ZMYND11: variants seen among roughly 807,000 people sequenced by gnomAD.
ZMYND11 encodes the protein zinc finger MYND domain-containing protein 11.
Under a neutral mutation model 84.9 loss-of-function variants are expected in ZMYND11, and 9 were observed. The observed-to-expected ratio is 0.11, with a 90% confidence interval of 0.06 to 0.18. The LOEUF is 0.18. ZMYND11 is among the 10% of genes least tolerant of loss of function. ZMYND11 has a pLI of 1.00. For synonymous variants in ZMYND11, 250 were observed against 244.1 expected (o/e 1.02, Z -0.23); for missense variants, 409 against 761.0 (o/e 0.54, Z 5.44).
intron 4 of ZMYND11, among the ~76,000 whole-genome samples, chr10:234,982 A>ATGTGTGTGTGTGTGTGTG (rs60483060): frequency 1.2e-3 from 178 of 148,990 alleles, no homozygotes; most frequent in Middle Eastern, 3.4e-3. Flanking sequence ...TATTTCGCAA[A>ATGTGTGTGTGTGTGTGTG]TGTGTGTGTG....
At chr10:217,147 T>TATC (rs1428313849) in intron 3 of ZMYND11, among the ~76,000 whole-genome samples, 1 of 152,190 alleles carries the variant, frequency 6.6e-6, no homozygotes, top group Admixed American at 6.5e-5. Flanking sequence ...TTCTTCCACA[T>TATC]ATCTCCCTTT....
intron 1 of ZMYND11, among the ~76,000 whole-genome samples, chr10:163,818 C>T (rs1222062297): frequency 1.3e-5 from 2 of 152,090 alleles, no homozygotes; most frequent in African/African-American, 2.4e-5. Flanking sequence ...TTGTCTTGGA[C>T]TCAACACATA....
Position 210,062 on chromosome 10 carries a change from A to G in ZMYND11, c.276+14A>G. On this transcript the variant is annotated intron_variant, in intron 3 of 14. Coordinates refer to ENST00000381604, the MANE Select transcript of ZMYND11 (RefSeq NM_001370100.5). Reference sequence around the variant, plus strand: ...GGAGATGAGATTGTAAGTACATTTTATTTGATAAACATAGAGATGTGAACT... The same window carrying G: ...GGAGATGAGATTGTAAGTACATTTTGTTTGATAAACATAGAGATGTGAACT... 1 of 1,613,552 alleles carries G rather than the reference A, an allele frequency of 6.2e-7. No individual in the cohort carries two copies. The highest frequency in any genetic ancestry group is 8.5e-7 in the Non-Finnish European group (1 of 1,179,566).
chr10:216,186 G>A (rs924153527), intron 3 of ZMYND11, among the ~76,000 whole-genome samples: 17 of 152,108 alleles, frequency 1.1e-4, no homozygotes, highest in Non-Finnish European at 1.5e-4. Flanking sequence ...AACTACCACC[G>A]TAGGCAGCCA....
At chr10:242,521 A>C (rs1463328714) in intron 10 of ZMYND11, among the ~76,000 whole-genome samples, 4 of 152,234 alleles carry the variant, frequency 2.6e-5, no homozygotes, top group Non-Finnish European at 5.9e-5. Flanking sequence ...ATATAGACTA[A>C]AATCGTCAAT....
intron 3 of ZMYND11, among the ~76,000 whole-genome samples, chr10:220,336 A>G (rs920458775): frequency 6.6e-6 from 1 of 152,196 alleles, no homozygotes; most frequent in Non-Finnish European, 1.5e-5. Flanking sequence ...CACTCTTAGC[A>G]TAAATATATT....
At chr10:227,180 C>A (rs1589103912) in intron 4 of ZMYND11, among the ~76,000 whole-genome samples, 1 of 152,132 alleles carries the variant, frequency 6.6e-6, no homozygotes, top group South Asian at 2.1e-4. Flanking sequence ...AAAGCTCTCC[C>A]GAATTTGCAG....
chr10:207,831 A>G lies in ZMYND11; in HGVS notation c.117-2058A>G, dbSNP rs188771483. 3.2e-3 allele frequency among the ~76,000 whole-genome samples: 494 copies of G among 152,350 alleles called. 4 individuals carry two copies. The highest frequency in any genetic ancestry group is 0.011 in the African/African-American group (449 of 41,574). ...CATATGGAACCAAAAAAGAGCCCACATCGCCAAGTCAATCCTAAGCCAAAA... is the reference window on the plus strand; with the variant it reads ...CATATGGAACCAAAAAAGAGCCCACGTCGCCAAGTCAATCCTAAGCCAAAA... On this transcript the variant is annotated intron_variant, in intron 2 of 14. Coordinates refer to ENST00000381604, the MANE Select transcript of ZMYND11 (RefSeq NM_001370100.5).
intron 1 of ZMYND11, among the ~76,000 whole-genome samples, chr10:177,889 T>C (rs745527724): frequency 5.3e-5 from 8 of 152,178 alleles, no homozygotes; most frequent in Non-Finnish European, 1.0e-4. Flanking sequence ...TAATAATATA[T>C]TTCTGCTTAC....
At chr10:152,134 A>G (rs544680426) in intron 1 of ZMYND11, among the ~76,000 whole-genome samples, 39 of 152,368 alleles carry the variant, frequency 2.6e-4, no homozygotes, top group Non-Finnish European at 5.0e-4. Flanking sequence ...AAGACCATCA[A>G]TGCTAGGAAG....
In ZMYND11 at chr10:151,594, G is replaced by A. The variant is rs192384067; in HGVS notation, c.-20+16035G>A. On this transcript the variant is annotated intron_variant, in intron 1 of 14. Coordinates refer to ENST00000381604, the MANE Select transcript of ZMYND11 (RefSeq NM_001370100.5). Reference sequence around the variant, plus strand: ...AAGACCAAATCTACGTCTGATTGGCGTACCTGAAAGTCACGGGGAGAATGG... The same window carrying A: ...AAGACCAAATCTACGTCTGATTGGCATACCTGAAAGTCACGGGGAGAATGG... Among the ~76,000 whole-genome samples, 116 of 152,274 alleles carry A rather than the reference G, an allele frequency of 7.6e-4. 1 individual carries two copies. The highest frequency in any genetic ancestry group is 2.6e-3 in the African/African-American group (107 of 41,552).
intron 2 of ZMYND11, among the ~76,000 whole-genome samples, chr10:200,282 AAT>A (rs1942862130): frequency 7.5e-6 from 1 of 132,524 alleles, no homozygotes; most frequent in Non-Finnish European, 1.6e-5. Context: ...TATAATATAT[AAT>A]ATGTATAAAA....
chr10:147,038 A>G (rs953330620), intron 1 of ZMYND11, among the ~76,000 whole-genome samples: 1 of 152,212 alleles, frequency 6.6e-6, no homozygotes, highest in Non-Finnish European at 1.5e-5. Flanking sequence ...AGAATGGACT[A>G]ATACACTCAG....
At chr10:241,727 A>AGCT (rs148894439) in intron 9 of ZMYND11, among the ~76,000 whole-genome samples, 12,221 of 152,164 alleles carry the variant, frequency 0.08, 790 homozygotes, top group African/African-American at 0.18. Context: ...GGGGTGCTGG[A>AGCT]GCTGCTGGCT....
At chr10:152,154 T>G (rs1189110788) in intron 1 of ZMYND11, among the ~76,000 whole-genome samples, 1 of 152,076 alleles carries the variant, frequency 6.6e-6, no homozygotes, top group Non-Finnish European at 1.5e-5. Context: ...GAAACTGCAT[T>G]AACTAATAAG....
intron 1 of ZMYND11, among the ~76,000 whole-genome samples, chr10:153,781 G>A (rs910653266): frequency 6.6e-6 from 1 of 152,186 alleles, no homozygotes; most frequent in African/African-American, 2.4e-5. Context: ...ATTTGCATTA[G>A]ATGGGTTTAT....
chr10:239,218 G>C (rs947994338), intron 6 of ZMYND11, among the ~76,000 whole-genome samples: 3 of 152,154 alleles, frequency 2.0e-5, no homozygotes, highest in African/African-American at 7.2e-5. Flanking sequence ...GTGTCTTTGT[G>C]GCTGCGGGAT....
intron 2 of ZMYND11, among the ~76,000 whole-genome samples, chr10:185,775 A>G (rs530169715): frequency 2.2e-5 from 3 of 135,886 alleles, no homozygotes; most frequent in South Asian, 2.5e-4. Flanking sequence ...AGATTGCGCA[A>G]TTGCACTCCA....
At chr10:206,627 A>C (rs956435571) in intron 2 of ZMYND11, among the ~76,000 whole-genome samples, 5 of 151,822 alleles carry the variant, frequency 3.3e-5, no homozygotes, top group Admixed American at 6.6e-5. Context: ...CATTTTTATG[A>C]TATGCTTTTT....
Sources: allele counts gnomAD v4.1 joint callset (sites outside exome capture counted in the v4.1 genomes callset), GRCh38; gene constraint gnomAD v4.1.1; transcripts MANE v1.5; gene names NCBI Gene and HGNC (gene_info 2026-07-23, HGNC 2026-07-21).